KYAT3: variants seen among roughly 807,000 people sequenced by gnomAD.
KYAT3 encodes kynurenine aminotransferase 3, also known as kynurenine--oxoglutarate transaminase 3.
A neutral mutation model predicts 59.0 loss-of-function variants in KYAT3; 50 were observed. The observed-to-expected ratio is 0.85, with a 90% CI of 0.68 to 1.07. The LOEUF is 1.07. KYAT3 is among the 50% of genes least tolerant of loss of function. KYAT3 has a pLI of 0.00. For synonymous variants in KYAT3, 148 were observed against 177.0 expected (o/e 0.84, Z 1.30); for missense variants, 497 against 533.3 (o/e 0.93, Z 0.67).
chr1:88,936,270 AT>A, intron 13 of KYAT3, 25 bp from the exon 14 acceptor site: 1 of 1,466,222 alleles, frequency 6.8e-7, no homozygotes, highest in South Asian at 1.2e-5. Context: ...AATAATCATC[AT>A]TATTACAGAT....
intron 10 of KYAT3, among the ~76,000 whole-genome samples, chr1:88,952,820 A>G (rs1675736912): frequency 6.6e-6 from 1 of 152,216 alleles, no homozygotes; most frequent in Non-Finnish European, 1.5e-5. Flanking sequence ...TGTCCTTCAC[A>G]GAATTTGTAG....
chr1:88,986,984 T>C (rs1677496437), intron 2 of KYAT3, among the ~76,000 whole-genome samples: 1 of 152,212 alleles, frequency 6.6e-6, no homozygotes, highest in Non-Finnish European at 1.5e-5. Flanking sequence ...AGTTACTTAA[T>C]TAAACATAAA....
At chr1:88,975,745 A>G (rs1676760923) in intron 2 of KYAT3, among the ~76,000 whole-genome samples, 1 of 152,192 alleles carries the variant, frequency 6.6e-6, no homozygotes, top group African/African-American at 2.4e-5. Flanking sequence ...ATAAGACTAT[A>G]TGGAGCAGGC....
At chr1:88,944,837 AATTT>A (rs747891352) in intron 11 of KYAT3, among the ~76,000 whole-genome samples, 2 of 151,906 alleles carry the variant, frequency 1.3e-5, no homozygotes, top group African/African-American at 2.4e-5. Context: ...AGACAAAAGG[AATTT>A]ATTTATTTAT....
intron 6 of KYAT3, 38 bp from the exon 7 acceptor site, chr1:88,961,544 A>C: frequency 8.3e-6 from 13 of 1,567,710 alleles, no homozygotes; most frequent in Non-Finnish European, 1.0e-5. Context: ...TAATTCAATT[A>C]AGTCATGTTT....
At chr1:88,932,121 G>T (rs545218699), downstream of KYAT3, among the ~76,000 whole-genome samples, 1 of 152,226 alleles carries the variant, frequency 6.6e-6, no homozygotes, top group African/African-American at 2.4e-5. Flanking sequence ...AATGATCACA[G>T]CACTTGATTC....
chr1:88,964,488 T>TATA, intron 5 of KYAT3: 1 of 262,826 alleles, frequency 3.8e-6, no homozygotes, highest in Non-Finnish European at 7.5e-6. Flanking sequence ...ACTGTATAAT[T>TATA]ATATTCATAT....
intron 13 of KYAT3, among the ~76,000 whole-genome samples, chr1:88,940,433 C>T (rs905192572): frequency 1.3e-5 from 2 of 152,186 alleles, no homozygotes; most frequent in Admixed American, 1.3e-4. Context: ...CCAAAGCATG[C>T]ACTATACCTA....
At chr1:88,975,847 C>T in intron 2 of KYAT3, among the ~76,000 whole-genome samples, 1 of 151,580 alleles carries the variant, frequency 6.6e-6, no homozygotes, top group East Asian at 2.0e-4. Flanking sequence ...CCATCCTGGC[C>T]AACATGGTAA....
At chr1:88,954,180 G>A (rs1391402612) in intron 9 of KYAT3, among the ~76,000 whole-genome samples, 2 of 152,222 alleles carry the variant, frequency 1.3e-5, no homozygotes, top group Non-Finnish European at 2.9e-5. Flanking sequence ...TTACAGGCGT[G>A]CGCTACCACG....
At chr1:88,931,105 T>A (rs915586669), downstream of KYAT3, among the ~76,000 whole-genome samples, 1 of 151,850 alleles carries the variant, frequency 6.6e-6, no homozygotes, top group South Asian at 2.1e-4. Flanking sequence ...AGCTAACCAA[T>A]GGAAATTACT....
At chr1:88,982,990 A>G (rs1262716536) in intron 2 of KYAT3, 2 of 1,613,130 alleles carry the variant, frequency 1.2e-6, no homozygotes, top group Non-Finnish European at 1.7e-6. Context: ...CTCTGTAGGA[A>G]CCTCCACTTG....
intron 5 of KYAT3, among the ~76,000 whole-genome samples, chr1:88,964,251 C>A (rs17130670): frequency 0.013 from 1,978 of 152,264 alleles, 40 homozygotes; most frequent in African/African-American, 0.045. Context: ...ATGGCTTATA[C>A]AATTACTGGG....
At chr1:88,975,428 G>A (rs1676743595) in intron 2 of KYAT3, among the ~76,000 whole-genome samples, 1 of 152,198 alleles carries the variant, frequency 6.6e-6, no homozygotes, top group Non-Finnish European at 1.5e-5. Flanking sequence ...TGGGATTACA[G>A]GCATGAGCCA....
intron 8 of KYAT3, among the ~76,000 whole-genome samples, chr1:88,956,208 A>G (rs1675909311): frequency 6.6e-6 from 1 of 152,190 alleles, no homozygotes; most frequent in Non-Finnish European, 1.5e-5. Context: ...TACAGAGAAC[A>G]ATTGCTTATA....
chr1:88,949,347 T>G (rs569518972), intron 10 of KYAT3, 70 bp from the exon 11 acceptor site: 571 of 1,105,652 alleles, frequency 5.2e-4, no homozygotes, highest in Non-Finnish European at 6.4e-4. Context: ...TTTATTGGTA[T>G]AATAAATAGA....
chr1:88,933,365 G>A (rs1385793365), downstream of KYAT3, among the ~76,000 whole-genome samples: 1 of 151,810 alleles, frequency 6.6e-6, no homozygotes, highest in Non-Finnish European at 1.5e-5. Context: ...GAAGGAAGGA[G>A]GAGAAGAAGG....
chr1:88,977,275 C>T (rs1030964726), intron 2 of KYAT3, among the ~76,000 whole-genome samples: 1 of 151,664 alleles, frequency 6.6e-6, no homozygotes, highest in Admixed American at 6.6e-5. Context: ...AATCTTGGCT[C>T]ATTGCAACCT....
At chr1:88,944,778 T>G in intron 11 of KYAT3, among the ~76,000 whole-genome samples, 1 of 152,160 alleles carries the variant, frequency 6.6e-6, no homozygotes, top group South Asian at 2.1e-4. Context: ...AGAGGATTAT[T>G]GACTAATTCT....
Sources: gnomAD v4.1 joint callset for allele counts (sites outside exome capture counted in the v4.1 genomes callset) on GRCh38, gnomAD v4.1.1 for gene constraint, MANE v1.5 for transcripts, NCBI Gene and HGNC (gene_info 2026-07-23, HGNC 2026-07-21) for gene names.